AIPL1: variants seen among roughly 807,000 people sequenced by gnomAD.
The protein encoded by AIPL1 is aryl-hydrocarbon-interacting protein-like 1.
AIPL1 carries 23 observed loss-of-function variants against 32.9 expected under a neutral mutation model. The observed-to-expected ratio is 0.70, with a 90% confidence interval of 0.50 to 0.99. AIPL1 has a LOEUF of 0.99. Ranked by LOEUF, AIPL1 falls within the 50% of genes least tolerant of loss-of-function variation. The pLI is 0.00. For synonymous variants in AIPL1, 210 were observed against 209.4 expected, an observed-to-expected ratio of 1.00 and a Z score of -0.02; for missense variants, 485 against 506.0, an observed-to-expected ratio of 0.96 and a Z score of 0.40.
intron 2 of AIPL1, among the ~76,000 whole-genome samples, chr17:6,433,012 A>G (rs1206405908): frequency 6.6e-6 from 1 of 152,192 alleles, no homozygotes; most frequent in East Asian, 1.9e-4. Flanking sequence ...GGGTTGGGAG[A>G]TGAAGCAAGA....
rs150656720 is a variant in AIPL1, at chr17:6,434,055, G to A, written c.140C>T (p.Thr47Ile). 14 of 1,614,120 alleles carry A rather than the reference G, an allele frequency of 8.7e-6. No homozygotes were observed. The Admixed American group carries it at 1.7e-4, about 19-fold the overall frequency. Residue 47 changes from threonine (T) to isoleucine (I), a missense_variant, in exon 2 of 6, where the codon ACA becomes ATA. By Grantham distance (89) the Thr-to-Ile change is moderately conservative. Coordinates refer to ENST00000381129, the MANE Select transcript of AIPL1 (RefSeq NM_014336.5). ...FRTMKCDEER[T>I]VIDDSRQVGQ... ...CACCTGCCGACTGTCGTCAATGACTGTCCGCTCCTCATCACATTTCATGGT... is the reference window on the plus strand; with the variant it reads ...CACCTGCCGACTGTCGTCAATGACTATCCGCTCCTCATCACATTTCATGGT...
intron 2 of AIPL1, among the ~76,000 whole-genome samples, chr17:6,432,355 C>T (rs1191369946): frequency 6.7e-6 from 1 of 148,718 alleles, no homozygotes; most frequent in Non-Finnish European, 1.5e-5. Flanking sequence ...AGCCTGGCTA[C>T]AGAGCAAGAC....
At chr17:6,432,142 T>C (rs956210062) in intron 2 of AIPL1, among the ~76,000 whole-genome samples, 1 of 152,016 alleles carries the variant, frequency 6.6e-6, no homozygotes. Flanking sequence ...CCCAGCACTT[T>C]AGGAGGCAGA....
At chr17:6,434,214 C>A (rs1912935273) in intron 1 of AIPL1, 116 bp from the exon 2 acceptor site, 1 of 1,180,836 alleles carries the variant, frequency 8.5e-7, no homozygotes, top group Admixed American at 2.0e-5. Context: ...TCAGTTCACC[C>A]CATCAGATGC....
chr17:6,435,095 C>A lies in AIPL1; in HGVS notation c.10G>T (p.Ala4Ser), dbSNP rs1913056384. The A allele has an allele frequency of 6.2e-7, 1 of 1,614,136 alleles. No individual in the cohort carries two copies. The highest frequency in any genetic ancestry group is 1.3e-5 in the African/African-American group (1 of 75,038). MDA[A>S]LLLNVEGVKK... ...ACCCCTTCCACGTTCAGGAGCAGAG[C>A]GGCATCCATGGCTGCAGGAGAAAGG... The change falls in exon 1 of 6, where the codon GCT becomes TCT. Residue 4 changes from alanine (A) to serine (S), a missense_variant. Physicochemically the swap from Ala to Ser is moderately conservative, Grantham distance 99. Transcript: ENST00000381129.
At chr17:6,433,153 A>G (rs535075034) in intron 2 of AIPL1, among the ~76,000 whole-genome samples, 43 of 152,340 alleles carry the variant, frequency 2.8e-4, no homozygotes, top group Admixed American at 2.7e-3. Context: ...GAGTTTTGCC[A>G]TAAGGCAAGG....
In AIPL1 at chr17:6,425,277, A is replaced by C. The variant is rs554151549; in HGVS notation, c.*183T>G. ...AGGGGTAGAGGAGAAAACTACTTTTATTCATAAGCTCTTCTGTACCCTTGG... is the reference window on the plus strand; with the variant it reads ...AGGGGTAGAGGAGAAAACTACTTTTCTTCATAAGCTCTTCTGTACCCTTGG... On this transcript the variant is annotated 3_prime_UTR_variant, in exon 6 of 6. Transcript: ENST00000381129. 5 of 723,432 alleles carry C rather than the reference A, an allele frequency of 6.9e-6. No individual in the cohort carries two copies. The East Asian group carries it at 1.2e-4, about 17-fold the overall frequency. 44.8% of individuals were successfully genotyped at this position (723,432 alleles called of 1,614,324 possible).
chr17:6,425,213 A>G lies in AIPL1; in HGVS notation c.*247T>C. ...TAGAGAAAACTACCAGAAGAATTAA[A>G]AACAGGGTCAATTAAAACCATGGCA... On this transcript the variant is annotated 3_prime_UTR_variant, in exon 6 of 6. Transcript: ENST00000381129. The G allele has an allele frequency of 4.7e-6, 2 of 429,626 alleles. No individual in the cohort carries two copies. Among genetic ancestry groups the G allele is most frequent in the Non-Finnish European group, 8.1e-6 (2 of 246,460 alleles). 26.6% of individuals were successfully genotyped at this position (429,626 alleles called of 1,614,324 possible).
At position 6,426,288 on chromosome 17, in the gene AIPL1, G is replaced by A. The variant is rs185698146; in HGVS notation, c.784+327C>T. On this transcript the variant is annotated intron_variant, in intron 5 of 5. Transcript: ENST00000381129. ...ACGGTGCCATATCCTCGCAACACCA[G>A]TACTAGTACCGACATCATAATATTT... 18 of 1,339,716 alleles carry A rather than the reference G, an allele frequency of 1.3e-5. No homozygotes were observed. The East Asian group carries it at 5.4e-4, about 40-fold the overall frequency. 83.0% of individuals were successfully genotyped at this position (1,339,716 alleles called of 1,614,324 possible).
chr17:6,430,455 T>TAAAA (rs1912483737), intron 2 of AIPL1, among the ~76,000 whole-genome samples: 1 of 26,214 alleles, frequency 3.8e-5, no homozygotes, highest in Non-Finnish European at 7.1e-5. Flanking sequence ...AAAGTCCGTC[T>TAAAA]CAAAAAAAAA....
At position 6,425,167 on chromosome 17, in the gene AIPL1, T is replaced by C; in HGVS notation, c.*293A>G. ...ACATGGGGTAAAATCTAGAAACTGA[T>C]TTAAACAGATTACTTGGAAATAGAG... On this transcript the variant is annotated 3_prime_UTR_variant, in exon 6 of 6. Transcript: ENST00000381129. The C allele has an allele frequency of 3.1e-6, 1 of 320,522 alleles. No homozygotes were observed. Among genetic ancestry groups the C allele is most frequent in the Admixed American group, 4.4e-5 (1 of 22,814 alleles). 19.9% of individuals were successfully genotyped at this position (320,522 alleles called of 1,614,324 possible).
In AIPL1 at chr17:6,428,427, T is replaced by C. The variant is rs1912223301; in HGVS notation, c.356A>G (p.His119Arg). 1 of 1,613,796 alleles carries C rather than the reference T, an allele frequency of 6.2e-7. No homozygotes were observed. The highest frequency in any genetic ancestry group is 1.3e-5 in the African/African-American group (1 of 75,064). ...QGKDPTEWHV[H>R]TCGLANMFAY... ...GAACATGTTGGCCAGCCCGCACGTGTGCACGTGCCACTCTGTGGGGTCCTT... is the reference window on the plus strand; with the variant it reads ...GAACATGTTGGCCAGCCCGCACGTGCGCACGTGCCACTCTGTGGGGTCCTT... Residue 119 changes from histidine to arginine, a missense_variant, in exon 3 of 6, where the codon CAC becomes CGC. Coordinates refer to ENST00000381129, the MANE Select transcript of AIPL1 (RefSeq NM_014336.5).
rs1567633925 is a variant in AIPL1, at chr17:6,425,309, T to TTG, written c.*150_*151insCA. ...AGCTCTTCTGTACCCTTGGGATTGT[T>TTG]TTTTTTTTTTTTTTTACCATGGGTG... is the stretch of plus-strand genomic sequence containing the variant. On this transcript the variant is annotated 3_prime_UTR_variant, in exon 6 of 6. Transcript: ENST00000381129. 1.5e-4 allele frequency: 24 copies of TTG among 164,600 alleles called. No homozygotes were observed. The highest frequency in any genetic ancestry group is 1.1e-3 in the Admixed American group (5 of 4,508). 10.2% of individuals were successfully genotyped at this position (164,600 alleles called of 1,614,324 possible).
intron 3 of AIPL1, 66 bp downstream of exon 3, chr17:6,428,252 C>T (rs1912192307): frequency 6.3e-7 from 1 of 1,574,968 alleles, no homozygotes; most frequent in Non-Finnish European, 8.6e-7. Context: ...GTGGGGGTGC[C>T]CATGATGCCC....
At chr17:6,434,953 G>A in intron 1 of AIPL1, 56 bp downstream of exon 1, 7 of 1,612,554 alleles carry the variant, frequency 4.3e-6, no homozygotes, top group Non-Finnish European at 5.9e-6. Context: ...GGGCACACCT[G>A]GAATGTTGAA....
Position 6,434,115 on chromosome 17 carries a change from T to C in AIPL1, c.97-17A>G, listed in dbSNP as rs754882302. 6.2e-7 allele frequency: 1 copy of C among 1,609,380 alleles called. No individual in the cohort carries two copies. The highest frequency in any genetic ancestry group is 2.2e-5 in the East Asian group (1 of 44,812). ...AAAGATCACCTAGTCACCGAGACGG[T>C]GCACTCTGCTCTAGACACACTGTTC... On this transcript the variant is annotated splice_polypyrimidine_tract_variant and intron_variant, in intron 1 of 5. Transcript: ENST00000381129.
At chr17:6,428,169 G>A (rs377543600) in intron 3 of AIPL1, 149 bp downstream of exon 3, 24 of 917,056 alleles carry the variant, frequency 2.6e-5, no homozygotes, top group Admixed American at 7.3e-5. Flanking sequence ...TTTCAAATTC[G>A]TATTCTCCCA....
At chr17:6,434,364 T>C (rs1475678898) in intron 1 of AIPL1, among the ~76,000 whole-genome samples, 2 of 146,396 alleles carry the variant, frequency 1.4e-5, no homozygotes, top group African/African-American at 5.0e-5. Context: ...TTCTTTTTTT[T>C]TTTTTTTTTT....
At position 6,425,472 on chromosome 17, in the gene AIPL1, C is replaced by T. The variant is rs756123820; in HGVS notation, c.1143G>A (p.Ser381=). The T allele has an allele frequency of 1.3e-6, 2 of 1,598,346 alleles. No individual in the cohort carries two copies. Among genetic ancestry groups the T allele is most frequent in the Non-Finnish European group, 1.7e-6 (2 of 1,175,668 alleles). Residue 381 remains serine (S), a synonymous_variant, in exon 6 of 6, where the codon TCG becomes TCA. Transcript: ENST00000381129. ...ATEPPPSPGH[S]LQH The stretch of plus-strand genomic sequence containing the variant: ...GGCCTCAGGGGGCTCAGTGCTGCAG[C>T]GAGTGCCCTGGGGACGGGGGTGGCT...
Sources: gnomAD v4.1 joint callset for allele counts (sites outside exome capture counted in the v4.1 genomes callset) on GRCh38, gnomAD v4.1.1 for gene constraint, MANE v1.5 for transcripts, NCBI Gene and HGNC (gene_info 2026-07-23, HGNC 2026-07-21) for gene names.